TMEFF2: variants seen among roughly 807,000 people sequenced by gnomAD.
The protein encoded by TMEFF2 is tomoregulin-2.
A neutral mutation model predicts 53.8 loss-of-function variants in TMEFF2; 28 were observed. The ratio of observed to expected loss-of-function variants is 0.52; its 90% CI spans 0.39 to 0.71. TMEFF2 has a LOEUF of 0.71. Ranked by LOEUF, TMEFF2 falls within the 30% of genes least tolerant of loss-of-function variation. TMEFF2 has a pLI of 0.00. For missense variants in TMEFF2, 353 were observed against 455.2 expected (o/e 0.78, Z 2.04); for synonymous variants, 162 against 166.3 (o/e 0.97, Z 0.20).
intron 7 of TMEFF2, among the ~76,000 whole-genome samples, chr2:191,973,431 A>G (rs539722445): frequency 1.3e-5 from 2 of 152,318 alleles, no homozygotes; most frequent in Non-Finnish European, 1.5e-5. Context: ...GTATATACAC[A>G]TACACGCACA....
chr2:192,174,941 C>A (rs910003580), intron 4 of TMEFF2, among the ~76,000 whole-genome samples: 1 of 151,534 alleles, frequency 6.6e-6, no homozygotes. Flanking sequence ...AATTACTTAG[C>A]CTTTTACAAG....
chr2:192,110,538 C>A (rs1275902841), intron 4 of TMEFF2, among the ~76,000 whole-genome samples: 1 of 152,158 alleles, frequency 6.6e-6, no homozygotes, highest in Non-Finnish European at 1.5e-5. Flanking sequence ...CCAAGACAAT[C>A]CTTACCCAAT....
chr2:192,158,549 C>T (rs1468756314), intron 4 of TMEFF2, among the ~76,000 whole-genome samples: 1 of 151,962 alleles, frequency 6.6e-6, no homozygotes, highest in East Asian at 1.9e-4. Flanking sequence ...TATCACAAAC[C>T]CATGTAAAAA....
At chr2:192,050,142 A>G (rs1442641492) in intron 5 of TMEFF2, among the ~76,000 whole-genome samples, 1 of 151,598 alleles carries the variant, frequency 6.6e-6, no homozygotes, top group African/African-American at 2.4e-5. Flanking sequence ...TTGATATAAA[A>G]TAGAAATTAC....
At chr2:192,039,049 C>A (rs144053815) in intron 5 of TMEFF2, among the ~76,000 whole-genome samples, 1 of 152,106 alleles carries the variant, frequency 6.6e-6, no homozygotes, top group African/African-American at 2.4e-5. Context: ...TTTCCCGCCC[C>A]CCCCATCTAA....
intron 5 of TMEFF2, among the ~76,000 whole-genome samples, chr2:192,017,562 C>T (rs979342374): frequency 1.3e-5 from 2 of 152,212 alleles, no homozygotes; most frequent in Admixed American, 1.3e-4. Context: ...TGTGTTACCA[C>T]TCTCGCTGGT....
chr2:192,121,700 T>C (rs1163449697), intron 4 of TMEFF2, among the ~76,000 whole-genome samples: 2 of 152,174 alleles, frequency 1.3e-5, no homozygotes, highest in Non-Finnish European at 2.9e-5. Flanking sequence ...CTAAGGGTTT[T>C]AGCTCTCATC....
At chr2:192,189,138 G>A (rs777471722) in intron 2 of TMEFF2, among the ~76,000 whole-genome samples, 24 of 152,124 alleles carry the variant, frequency 1.6e-4, no homozygotes, top group Non-Finnish European at 2.9e-4. Context: ...TAAGAGAGGT[G>A]AAGGCTAATA....
chr2:191,968,415 A>G (rs762784876), intron 7 of TMEFF2, among the ~76,000 whole-genome samples: 32 of 152,192 alleles, frequency 2.1e-4, no homozygotes, highest in Non-Finnish European at 3.7e-4. Flanking sequence ...TAAAACAAAG[A>G]GTGGGTATTG....
chr2:191,971,301 C>T (rs1692632715), intron 7 of TMEFF2, among the ~76,000 whole-genome samples: 1 of 152,164 alleles, frequency 6.6e-6, no homozygotes, highest in African/African-American at 2.4e-5. Flanking sequence ...TGGTTAACCA[C>T]TCAAGAAATC....
chr2:192,176,813 TATTC>T (rs2106030247), intron 4 of TMEFF2: 1 of 151,266 alleles, frequency 6.6e-6, no homozygotes, highest in South Asian at 2.1e-4. Context: ...ACTAATGTAA[TATTC>T]ATTCACGCTA....
chr2:192,125,412 T>A (rs1394938245), intron 4 of TMEFF2, among the ~76,000 whole-genome samples: 1 of 152,158 alleles, frequency 6.6e-6, no homozygotes, highest in Non-Finnish European at 1.5e-5. Flanking sequence ...AATATAAATA[T>A]CTTTGTATTA....
At position 192,145,688 on chromosome 2, in the gene TMEFF2, A is replaced by T. The variant is rs533133454; in HGVS notation, c.439+33980T>A. Among the ~76,000 whole-genome samples the T allele has an allele frequency of 2.6e-5, 4 of 152,114 alleles. No homozygotes were observed. The South Asian group carries it at 8.3e-4, about 32-fold the overall frequency. On this transcript the variant is annotated intron_variant, in intron 4 of 9. Transcript: ENST00000272771. ...AGGTCACAGATTCTAGGCACAGATT[A>T]CTCACTTTAAATACTGTACTGTCAA... is the stretch of plus-strand genomic sequence containing the variant.
intron 7 of TMEFF2, among the ~76,000 whole-genome samples, chr2:191,979,570 G>C (rs565112378): frequency 6.6e-6 from 1 of 152,186 alleles, no homozygotes; most frequent in East Asian, 1.9e-4. Context: ...GGAATTCAGA[G>C]AGCAGCTTAT....
intron 5 of TMEFF2, among the ~76,000 whole-genome samples, chr2:192,056,675 T>C (rs1315560782): frequency 6.6e-6 from 1 of 152,150 alleles, no homozygotes; most frequent in African/African-American, 2.4e-5. Flanking sequence ...ATGATCTGAA[T>C]GTTGCTGTCC....
intron 4 of TMEFF2, among the ~76,000 whole-genome samples, chr2:192,129,821 T>C (rs34669685): frequency 0.13 from 19,924 of 152,200 alleles, 1,749 homozygotes; most frequent in East Asian, 0.24. Flanking sequence ...TTAATTTTAC[T>C]TGTGGAATTA....
chr2:192,107,719 TATA>T (rs150047857), intron 4 of TMEFF2, among the ~76,000 whole-genome samples: 95 of 151,856 alleles, frequency 6.3e-4, no homozygotes, highest in African/African-American at 2.1e-3. Context: ...GTTTCCCAAA[TATA>T]ATAATTCAAG....
rs59510075 is a variant in TMEFF2 at position 192,075,285 on chromosome 2, T to TTATATATATATATATATAAA, written c.440-17511_440-17510insTTTATATATATATATATATA. On this transcript the variant is annotated intron_variant, in intron 4 of 9. Coordinates refer to ENST00000272771, the MANE Select transcript of TMEFF2 (RefSeq NM_016192.4). ...TTATTATACCCAGAGTACAGTACTA[T>TTATATATATATATATATAAA]TATATATATATATATATATATATAT... Among the ~76,000 whole-genome samples the TTATATATATATATATATAAA allele has an allele frequency of 1.5e-3, 99 of 65,740 alleles. 2 individuals are homozygous for TTATATATATATATATATAAA. Among genetic ancestry groups the TTATATATATATATATATAAA allele is most frequent in the South Asian group, 4.4e-3 (6 of 1,368 alleles). The allele number at this position is 65,740 out of a possible 152,430, so 43.1% of individuals were successfully genotyped here.
At chr2:192,055,534 G>T (rs938928425) in intron 5 of TMEFF2, among the ~76,000 whole-genome samples, 2 of 151,952 alleles carry the variant, frequency 1.3e-5, no homozygotes, top group Non-Finnish European at 2.9e-5. Context: ...CAGCACTTTG[G>T]GAGGCCGAGG....
Sources: gnomAD v4.1 joint callset for allele counts (sites outside exome capture counted in the v4.1 genomes callset) on GRCh38, gnomAD v4.1.1 for gene constraint, MANE v1.5 for transcripts, NCBI Gene and HGNC (gene_info 2026-07-23, HGNC 2026-07-21) for gene names.